The following OSBPL9 variants were observed in gnomAD, a reference collection of about 807,000 sequenced individuals.
OSBPL9 encodes oxysterol binding protein like 9.
OSBPL9 carries 40 observed loss-of-function variants against 106.6 expected under a neutral mutation model. The ratio of observed to expected loss-of-function variants is 0.38; its 90% CI spans 0.29 to 0.49. The LOEUF (loss-of-function observed/expected upper bound fraction) is 0.49, where lower values mean the gene tolerates loss of function less well. OSBPL9 is among the 20% of genes least tolerant of loss of function. The probability of loss-of-function intolerance (pLI) is 0.97; values close to 1 mark genes in which losing one functional copy is unlikely to be tolerated. For missense variants in OSBPL9, 609 were observed against 887.2 expected (o/e 0.69, Z 3.98); for synonymous variants, 269 against 295.4 (o/e 0.91, Z 0.92).
rs527746610 is a variant in OSBPL9 at position 51,787,709 on chromosome 1, T to G, written c.2137-6T>G. 3.7e-6 allele frequency: 6 copies of G among 1,611,826 alleles called. No homozygotes were observed. The South Asian group carries it at 6.6e-5, about 18-fold the overall frequency. On this transcript the variant is annotated splice_polypyrimidine_tract_variant and splice_region_variant and intron_variant, in intron 23 of 23. Transcript: ENST00000428468. ...TGTAACTAAATTCTTCCTCTTTGTC[T>G]TACAGTTATTTCATGAAGATGGAGA... is the stretch of plus-strand genomic sequence containing the variant.
the OSBPL9 span, among the ~76,000 whole-genome samples, chr1:51,536,851 A>G: frequency 3.9e-3 from 595 of 152,308 alleles, 4 homozygotes; most frequent in Non-Finnish European, 4.4e-3. Context: ...ACGTGGTGTC[A>G]CTTGGTCCCA....
chr1:51,601,632 A>G (rs371004814), intron 2 of OSBPL9, among the ~76,000 whole-genome samples: 14 of 152,356 alleles, frequency 9.2e-5, no homozygotes, highest in African/African-American at 3.4e-4. Flanking sequence ...GCCTGTTTCT[A>G]GTAGCTACTC....
At chr1:51,605,904 T>G (rs923169605) in intron 2 of OSBPL9, among the ~76,000 whole-genome samples, 1 of 151,660 alleles carries the variant, frequency 6.6e-6, no homozygotes, top group Non-Finnish European at 1.5e-5. Context: ...TGCTTGAACC[T>G]GGGAGGTGGA....
intron 16 of OSBPL9, 77 bp from the exon 17 acceptor site, chr1:51,782,482 G>T: frequency 1.7e-6 from 2 of 1,158,602 alleles, no homozygotes; most frequent in Non-Finnish European, 2.5e-6. Context: ...AGCGAGCAGA[G>T]ACCCCAATTA....
intron 1 of OSBPL9, among the ~76,000 whole-genome samples, chr1:51,637,810 A>G (rs1645544354): frequency 6.6e-6 from 1 of 152,256 alleles, no homozygotes; most frequent in South Asian, 2.1e-4. Context: ...AATTATAAGC[A>G]GCATCAGACC....
chr1:51,695,717 A>G (rs552217728), intron 3 of OSBPL9, among the ~76,000 whole-genome samples: 1 of 152,198 alleles, frequency 6.6e-6, no homozygotes, highest in Non-Finnish European at 1.5e-5. Flanking sequence ...TCGTTGTGAA[A>G]TACTAAACTT....
At chr1:51,719,299 T>G (rs1661630206) in intron 4 of OSBPL9, among the ~76,000 whole-genome samples, 1 of 152,212 alleles carries the variant, frequency 6.6e-6, no homozygotes, top group African/African-American at 2.4e-5. Context: ...TATCTTTTCA[T>G]GTCTTTACAT....
At chr1:51,552,238 C>A in the OSBPL9 span, among the ~76,000 whole-genome samples, 8,895 of 152,176 alleles carry the variant, frequency 0.058, 379 homozygotes, top group Non-Finnish European at 0.092. Context: ...AAGGTAGAAA[C>A]TTCTCTGTTT....
At chr1:51,622,054 A>T (rs1320632303) in intron 1 of OSBPL9, among the ~76,000 whole-genome samples, 1 of 152,010 alleles carries the variant, frequency 6.6e-6, no homozygotes, top group Admixed American at 6.6e-5. Flanking sequence ...GGTTGCGGAG[A>T]AGTAATCAGG....
chr1:51,700,911 C>T (rs1218932452), intron 3 of OSBPL9, among the ~76,000 whole-genome samples: 1 of 151,898 alleles, frequency 6.6e-6, no homozygotes, highest in Non-Finnish European at 1.5e-5. Context: ...TGATTTTTAA[C>T]TTTTGTCAGT....
chr1:51,716,227 A>G (rs1024310900), intron 4 of OSBPL9, among the ~76,000 whole-genome samples: 2 of 152,246 alleles, frequency 1.3e-5, no homozygotes, highest in Non-Finnish European at 2.9e-5. Flanking sequence ...ATTTAGAAAT[A>G]TGGAATTAAT....
chr1:51,741,536 A>C (rs1231039385), intron 4 of OSBPL9, among the ~76,000 whole-genome samples: 517 of 76,214 alleles, frequency 6.8e-3, no homozygotes, highest in Admixed American at 8.8e-3. Flanking sequence ...CTCTCTCCCC[A>C]CTCCCTCCCC....
At chr1:51,636,492 C>T (rs1257332068) in intron 1 of OSBPL9, among the ~76,000 whole-genome samples, 1 of 152,036 alleles carries the variant, frequency 6.6e-6, no homozygotes, top group Non-Finnish European at 1.5e-5. Flanking sequence ...TGCACACTGC[C>T]ACACCAGGCT....
chr1:51,652,935 T>C (rs1320750628), intron 2 of OSBPL9, among the ~76,000 whole-genome samples: 1 of 152,258 alleles, frequency 6.6e-6, no homozygotes, highest in African/African-American at 2.4e-5. Context: ...TGTTGACTTC[T>C]TTCTTCCACC....
intron 2 of OSBPL9, among the ~76,000 whole-genome samples, chr1:51,606,225 G>A (rs1643947966): frequency 6.6e-6 from 1 of 152,180 alleles, no homozygotes. Context: ...GGCTGGTTTA[G>A]GCGCCCCTCT....
At chr1:51,533,032 A>T in the OSBPL9 span, among the ~76,000 whole-genome samples, 1 of 152,126 alleles carries the variant, frequency 6.6e-6, no homozygotes, top group African/African-American at 2.4e-5. Context: ...ATTGGTAATA[A>T]TTGGTAATTA....
chr1:51,586,880 A>T (rs544489303), intron 1 of OSBPL9, among the ~76,000 whole-genome samples: 5 of 152,068 alleles, frequency 3.3e-5, no homozygotes, highest in Non-Finnish European at 7.4e-5. Context: ...TCACCACTCC[A>T]AGTCCCTCCC....
At chr1:51,628,358 C>G (rs867054565) in intron 1 of OSBPL9, among the ~76,000 whole-genome samples, 1 of 152,078 alleles carries the variant, frequency 6.6e-6, no homozygotes, top group African/African-American at 2.4e-5. Context: ...GGCAAATGAA[C>G]AAAAGATAAC....
chr1:51,659,510 G>A (rs1033243795), intron 2 of OSBPL9, among the ~76,000 whole-genome samples: 26 of 151,710 alleles, frequency 1.7e-4, no homozygotes, highest in African/African-American at 5.1e-4. Context: ...AAAAGAAATA[G>A]CAAAGGAAAT....
Sources: gnomAD v4.1 joint callset for allele counts (sites outside exome capture counted in the v4.1 genomes callset) on GRCh38, gnomAD v4.1.1 for gene constraint, MANE v1.5 for transcripts, NCBI Gene and HGNC (gene_info 2026-07-23, HGNC 2026-07-21) for gene names.